PUDP: variants seen among roughly 807,000 people sequenced by gnomAD.
PUDP encodes the protein pseudouridine-5'-phosphatase.
A neutral mutation model predicts 9.4 loss-of-function variants in PUDP; 8 were observed. The ratio of observed to expected loss-of-function variants is 0.85; its 90% CI spans 0.50 to 1.53. PUDP has a LOEUF of 1.53. Ranked by LOEUF, PUDP falls within the 40% of genes most tolerant of loss-of-function variation. The pLI, the probability that PUDP is intolerant of heterozygous loss-of-function variation, is 0.00. For missense variants in PUDP, 188 were observed against 189.7 expected (o/e 0.99, Z 0.05); for synonymous variants, 99 against 80.7 (o/e 1.23, Z -1.22).
chrX:7,038,075 C>T (rs1929876668), intron 1 of PUDP, among the ~76,000 whole-genome samples: 4 of 112,080 alleles, frequency 3.6e-5, no homozygotes, highest in Admixed American at 2.8e-4. Context: ...ATATAGACAG[C>T]CACATTCAAT....
rs1454712774 is a variant in PUDP, at chrX:6,720,279, TATATATATAC to T, written n.128+1128_128+1137del. 2.6e-4 allele frequency among the ~76,000 whole-genome samples: 23 copies of T among 88,970 alleles called. No individual in the cohort carries two copies. In the South Asian group the frequency reaches 7.1e-3, roughly 27 times the overall value. 77.3% of individuals were successfully genotyped at this position (88,970 alleles called of 115,157 possible). A position where few individuals can be genotyped will look rare whatever the true frequency, so the allele number is the denominator to read the frequency against. On this transcript the variant is annotated intron_variant and non_coding_transcript_variant, in intron 1 of 2. Transcript: ENST00000438499. ...GTGTGTATATATATATATATATATA[TATATATATAC>T]ACACACACACATAAATATGAATAGT... is the stretch of plus-strand genomic sequence containing the variant.
intron 3 of PUDP, among the ~76,000 whole-genome samples, chrX:6,809,636 T>G (rs942922195): frequency 9.0e-6 from 1 of 111,080 alleles, no homozygotes; most frequent in Non-Finnish European, 1.9e-5. Flanking sequence ...TAATGCCTTC[T>G]TTATATCTTG....
In PUDP at chrX:6,841,044, C is replaced by T. The variant is rs768540204; in HGVS notation, c.*248-134578G>A. Among the ~76,000 whole-genome samples the T allele has an allele frequency of 2.2e-4, 24 of 111,122 alleles. No homozygotes were observed. In the South Asian group the frequency reaches 7.5e-3, roughly 35 times the overall value. ...CTGTAATCCCAGCACTTTGGGAGGC[C>T]GAGGTGGGTGGATCACAAGGTCAGG... On this transcript the variant is annotated intron_variant and NMD_transcript_variant, in intron 3 of 3. Transcript: ENST00000655425.
intron 3 of PUDP, among the ~76,000 whole-genome samples, chrX:6,917,993 G>C (rs1392161783): frequency 8.9e-6 from 1 of 112,181 alleles, no homozygotes; most frequent in Non-Finnish European, 1.9e-5. Context: ...ATTGCTAAAG[G>C]AAAAGTCACA....
At chrX:7,029,985 G>A (rs1410429170) in intron 1 of PUDP, among the ~76,000 whole-genome samples, 5 of 110,177 alleles carry the variant, frequency 4.5e-5, no homozygotes, top group Non-Finnish European at 9.5e-5. Context: ...GTCTGCTTGC[G>A]TGTGTGTGCA....
intron 2 of PUDP, among the ~76,000 whole-genome samples, chrX:7,104,432 C>T (rs965395216): frequency 1.9e-4 from 21 of 111,604 alleles, no homozygotes; most frequent in African/African-American, 6.5e-4. Context: ...TCAATGAGCA[C>T]GAAGTTTCAG....
chrX:6,920,658 C>T (rs1928008019), intron 3 of PUDP, among the ~76,000 whole-genome samples: 1 of 111,532 alleles, frequency 9.0e-6, no homozygotes, highest in Non-Finnish European at 1.9e-5. Context: ...GCCCCCCTCT[C>T]TGCTTCAAGT....
chrX:7,115,004 G>A (rs1465674929), intron 1 of PUDP, among the ~76,000 whole-genome samples: 4 of 112,075 alleles, frequency 3.6e-5, no homozygotes, highest in Non-Finnish European at 7.5e-5. Context: ...CCTTAAACAT[G>A]CCCCATTCTT....
chrX:7,055,161 T>C (rs1221401818), intron 3 of PUDP, among the ~76,000 whole-genome samples: 8 of 111,659 alleles, frequency 7.2e-5, no homozygotes, highest in Non-Finnish European at 1.3e-4. Context: ...TTGGTTTTTT[T>C]CCCCTAGAAA....
At chrX:6,707,009 T>C (rs1170654614) in intron 1 of PUDP, among the ~76,000 whole-genome samples, 1 of 111,606 alleles carries the variant, frequency 9.0e-6, no homozygotes, top group African/African-American at 3.3e-5. Context: ...ATCTTTTCTT[T>C]GTGAAGCACC....
intron 3 of PUDP, among the ~76,000 whole-genome samples, chrX:6,931,607 T>C (rs1928192269): frequency 8.9e-6 from 1 of 112,391 alleles, no homozygotes. Context: ...CCGTTCCTAA[T>C]TGCTGCAGAG....
intron 1 of PUDP, among the ~76,000 whole-genome samples, chrX:7,001,511 T>C (rs1929324266): frequency 9.0e-6 from 1 of 111,452 alleles, no homozygotes; most frequent in African/African-American, 3.3e-5. Flanking sequence ...GAAAAACTTA[T>C]TCTATTCAGA....
chrX:6,980,046 C>CTTCTT (rs979551359), intron 1 of PUDP, among the ~76,000 whole-genome samples: 258 of 109,816 alleles, frequency 2.3e-3, no homozygotes, highest in African/African-American at 7.4e-3. Flanking sequence ...GGTAGTTTTT[C>CTTCTT]TTCTTTTCTT....
chrX:7,081,314 T>C (rs999479241), intron 2 of PUDP, among the ~76,000 whole-genome samples: 3 of 111,344 alleles, frequency 2.7e-5, no homozygotes, highest in African/African-American at 9.8e-5. Flanking sequence ...TCACCATGCC[T>C]GGTAAATTTT....
intron 2 of PUDP, among the ~76,000 whole-genome samples, chrX:7,098,027 G>A (rs1038684864): frequency 4.5e-5 from 5 of 110,693 alleles, no homozygotes; most frequent in African/African-American, 6.6e-5. Flanking sequence ...GATGGAGAAC[G>A]ACCTTACTAA....
chrX:6,910,907 CCTCACAT>C lies in PUDP; in HGVS notation c.*247+66219_*247+66225del, dbSNP rs201225076. Among the ~76,000 whole-genome samples the C allele has an allele frequency of 8.0e-3, 896 of 111,892 alleles. 7 individuals carry two copies. Among genetic ancestry groups the C allele is most frequent in the African/African-American group, 0.025 (769 of 30,851 alleles). ...CATAGATGGTGACTTCTTGGTGTATCCTCACATGGTGGAAGGGGCAAGGGAGCTCTCT... is the reference window on the plus strand; with the variant it reads ...CATAGATGGTGACTTCTTGGTGTATCGGTGGAAGGGGCAAGGGAGCTCTCT... On this transcript the variant is annotated intron_variant and NMD_transcript_variant, in intron 3 of 3. Transcript: ENST00000655425.
chrX:7,046,852 A>G (rs1199498693), downstream of PUDP, among the ~76,000 whole-genome samples: 1 of 112,474 alleles, frequency 8.9e-6, no homozygotes, highest in African/African-American at 3.2e-5. Flanking sequence ...TGTCCCCTAG[A>G]GAAATAATTA....
At position 7,077,423 on chromosome X, in the gene PUDP, G is replaced by A; in HGVS notation, c.307C>T (p.Arg103Trp). 3 of 1,210,346 alleles carry A rather than the reference G, an allele frequency of 2.5e-6. No individual in the cohort carries two copies. The highest frequency in any genetic ancestry group is 1.8e-5 in the South Asian group (1 of 56,860). ...AGTGCAAAGGGGATGCCATGTTTCC[G>A]CAGGTGGATGATGAGTTTCTCCGCC... is the stretch of plus-strand genomic sequence containing the variant. ...PGAEKLIIHL[R>W]KHGIPFALAT... Residue 103 changes from arginine to tryptophan, a missense_variant, in exon 3 of 4, where the codon CGG becomes TGG. Coordinates refer to ENST00000381077, the MANE Select transcript of PUDP (RefSeq NM_012080.5).
chrX:7,141,759 G>A (rs140139864), intron 1 of PUDP, among the ~76,000 whole-genome samples: 28 of 112,449 alleles, frequency 2.5e-4, no homozygotes, highest in African/African-American at 7.4e-4. Context: ...AAGGACAGGC[G>A]GACTTTTGTG....
Sources: gnomAD v4.1 joint callset for allele counts (sites outside exome capture counted in the v4.1 genomes callset) on GRCh38, gnomAD v4.1.1 for gene constraint, MANE v1.5 for transcripts, NCBI Gene and HGNC (gene_info 2026-07-23, HGNC 2026-07-21) for gene names.